PCDHA3: variants seen among roughly 807,000 people sequenced by gnomAD.
The protein encoded by PCDHA3 is protocadherin alpha-3.
PCDHA3 carries 41 observed loss-of-function variants against 62.2 expected under a neutral mutation model. That is an observed-to-expected ratio of 0.66 (90% CI 0.51 to 0.86). PCDHA3 has a LOEUF of 0.86. Among genes scored for constraint, PCDHA3 ranks in the 40% least tolerant of loss-of-function variants. The probability of loss-of-function intolerance (pLI) is 0.00; values close to 1 mark genes in which losing one functional copy is unlikely to be tolerated. For synonymous variants in PCDHA3, 640 were observed against 555.4 expected, an observed-to-expected ratio of 1.15 and a Z score of -2.14; for missense variants, 1,304 against 1,241.2, an observed-to-expected ratio of 1.05 and a Z score of -0.76.
chr5:140,875,151 A>G (rs1219163731), intron 1 of PCDHA3, among the ~76,000 whole-genome samples: 1 of 152,220 alleles, frequency 6.6e-6, no homozygotes, highest in Non-Finnish European at 1.5e-5. Flanking sequence ...ATGATCCGTG[A>G]AAAATAACCC....
At chr5:140,917,650 T>C (rs897307157) in intron 1 of PCDHA3, among the ~76,000 whole-genome samples, 1 of 152,226 alleles carries the variant, frequency 6.6e-6, no homozygotes. Context: ...CCAGCAATAT[T>C]GAGTAGGAAG....
chr5:140,929,875 G>A lies in PCDHA3; in HGVS notation c.2395-49074G>A, dbSNP rs1326750420. 4 of 153,064 alleles carry A rather than the reference G, an allele frequency of 2.6e-5. No individual in the cohort carries two copies. The East Asian group carries it at 7.7e-4, about 29-fold the overall frequency. 9.5% of individuals were successfully genotyped at this position (153,064 alleles called of 1,614,324 possible). A position where few individuals can be genotyped will look rare whatever the true frequency, so the allele number is the denominator to read the frequency against. On this transcript the variant is annotated intron_variant, in intron 1 of 3. Transcript: ENST00000522353. ...GAGTCAGAGAAGGCTTTGTGATAGAGATCACAGATTTAGTTGGATCTTTAA... is the reference window on the plus strand; with the variant it reads ...GAGTCAGAGAAGGCTTTGTGATAGAAATCACAGATTTAGTTGGATCTTTAA...
At position 140,926,980 on chromosome 5, in the gene PCDHA3, A is replaced by T. The variant is rs781916280; in HGVS notation, c.2395-51969A>T. ...GCTCGAGTACTCAGTGCCGGAGGAG[A>T]CGGAGCGGGGCGTAGCCGTAGGCAA... On this transcript the variant is annotated intron_variant, in intron 1 of 3. Transcript: ENST00000522353. The T allele has an allele frequency of 1.9e-6, 3 of 1,610,246 alleles. No individual in the cohort carries two copies. The Admixed American group carries it at 5.0e-5, about 27-fold the overall frequency.
chr5:140,876,259 C>T (rs1554168431), intron 1 of PCDHA3: 7 of 1,613,952 alleles, frequency 4.3e-6, no homozygotes, highest in South Asian at 1.1e-5. Flanking sequence ...AAGAGTGATC[C>T]AACTAAATGC....
chr5:141,001,706 C>T (rs2098033561), intron 3 of PCDHA3, among the ~76,000 whole-genome samples: 1 of 151,850 alleles, frequency 6.6e-6, no homozygotes, highest in African/African-American at 2.4e-5. Flanking sequence ...AAATAGGGGG[C>T]GGGGAAGGAG....
At chr5:140,807,880 A>G (rs1338912507) in intron 1 of PCDHA3, 2 of 1,614,152 alleles carry the variant, frequency 1.2e-6, no homozygotes, top group East Asian at 4.5e-5. Flanking sequence ...TACTCATCAC[A>G]GTACTGGATG....
At chr5:140,829,631 A>G (rs2150171714) in intron 1 of PCDHA3, 2 of 1,612,100 alleles carry the variant, frequency 1.2e-6, no homozygotes, top group East Asian at 2.2e-5. Flanking sequence ...GCACGCGGAG[A>G]GCGGCAAGGT....
Position 140,802,544 on chromosome 5 carries a change from C to A in PCDHA3, c.1347C>A (p.Asn449Lys), listed in dbSNP as rs374473436. Reference protein sequence around the residue: ...ASVSVEVADVNDNAPAFSQSE... With the variant: ...ASVSVEVADVKDNAPAFSQSE... The stretch of plus-strand genomic sequence containing the variant: ...TGTCCGTGGAGGTGGCCGACGTGAA[C>A]GACAATGCGCCGGCATTCTCGCAGT... Residue 449 changes from asparagine (N) to lysine (K), a missense_variant, in exon 1 of 4, where the codon AAC (asparagine) becomes AAA (lysine). Physicochemically the swap from Asn to Lys is moderately conservative, Grantham distance 94. Coordinates refer to ENST00000522353, the MANE Select transcript of PCDHA3 (RefSeq NM_018906.3). 16 of 1,614,192 alleles carry A rather than the reference C, an allele frequency of 9.9e-6. No homozygotes were observed. Among genetic ancestry groups the A allele is most frequent in the Non-Finnish European group, 8.5e-6 (10 of 1,180,048 alleles).
chr5:140,917,154 T>C (rs1415714785), intron 1 of PCDHA3, among the ~76,000 whole-genome samples: 2 of 152,112 alleles, frequency 1.3e-5, no homozygotes, highest in East Asian at 1.9e-4. Flanking sequence ...TGCTGGGGGA[T>C]ATGGGAGGGG....
Position 141,009,737 on chromosome 5 carries a change from C to T in PCDHA3, c.2653C>T (p.Pro885Ser). The T allele has an allele frequency of 6.2e-7, 1 of 1,614,130 alleles. No homozygotes were observed. The highest frequency in any genetic ancestry group is 8.5e-7 in the Non-Finnish European group (1 of 1,180,024). Residue 885 changes from proline (P) to serine (S), a missense_variant, in exon 4 of 4, where the codon CCC becomes TCC. Physicochemically the swap from Pro to Ser is moderately conservative, Grantham distance 74 (BLOSUM62 -1). Coordinates refer to ENST00000522353, the MANE Select transcript of PCDHA3 (RefSeq NM_018906.3). ...NPKQSGPGEL[P>S]DKFIIPGSPA... Reference sequence around the variant, plus strand: ...CAAACAATCCGGTCCCGGTGAGTTGCCCGACAAATTCATTATCCCAGGATC... The same window carrying T: ...CAAACAATCCGGTCCCGGTGAGTTGTCCGACAAATTCATTATCCCAGGATC...
At position 140,835,814 on chromosome 5, in the gene PCDHA3, G is replaced by T. The variant is rs2150245444; in HGVS notation, c.2394+32223G>T. ...CGCCGGGCTGCCACATCTTCACTGTGTCGGCGGGGGACGCGGACGCGCAGA... is the reference window on the plus strand; with the variant it reads ...CGCCGGGCTGCCACATCTTCACTGTTTCGGCGGGGGACGCGGACGCGCAGA... On this transcript the variant is annotated intron_variant, in intron 1 of 3. Coordinates refer to ENST00000522353, the MANE Select transcript of PCDHA3 (RefSeq NM_018906.3). The T allele has an allele frequency of 3.1e-6, 5 of 1,612,862 alleles. 1 individual carries two copies. In the South Asian group the frequency reaches 5.5e-5, roughly 18 times the overall value.
intron 1 of PCDHA3, chr5:140,859,596 AT>A (rs1554152518): frequency 6.1e-6 from 1 of 164,060 alleles, no homozygotes; most frequent in Non-Finnish European, 1.3e-5. Flanking sequence ...GCTCTTAGCA[AT>A]TACTTTTTTC....
At chr5:140,967,562 C>T in intron 1 of PCDHA3, 1 of 1,614,064 alleles carries the variant, frequency 6.2e-7, no homozygotes, top group Non-Finnish European at 8.5e-7. Context: ...TCGCGTCCAG[C>T]TACGGGAGGA....
chr5:140,981,845 T>C (rs184071298), intron 2 of PCDHA3, among the ~76,000 whole-genome samples: 129 of 152,310 alleles, frequency 8.5e-4, no homozygotes, highest in Middle Eastern at 3.4e-3. Flanking sequence ...TCCCAGTTTG[T>C]ATCTCACTCC....
At chr5:140,921,080 A>G (rs1329038497) in intron 1 of PCDHA3, among the ~76,000 whole-genome samples, 1 of 152,008 alleles carries the variant, frequency 6.6e-6, no homozygotes. Context: ...CTTGGGCTCA[A>G]GAGAATCCTC....
At chr5:140,862,662 C>T in intron 1 of PCDHA3, 1 of 546,862 alleles carries the variant, frequency 1.8e-6, no homozygotes, top group Non-Finnish European at 3.7e-6. Context: ...GGGACCGGGA[C>T]GCGCAGGAGA....
rs1554122562 is a variant in PCDHA3, at chr5:140,803,064, C to G, written c.1867C>G (p.Arg623Gly). ...PGTGGARIPF[R>G]VGLYTGEIST... Reference sequence around the variant, plus strand: ...GACCGGCGGTGCGCGCATCCCGTTTCGCGTGGGGCTGTACACGGGAGAGAT... The same window carrying G: ...GACCGGCGGTGCGCGCATCCCGTTTGGCGTGGGGCTGTACACGGGAGAGAT... The change falls in exon 1 of 4, where the codon CGC becomes GGC. Residue 623 changes from arginine (R) to glycine (G), a missense_variant. Arg to Gly is a moderately radical substitution (Grantham distance 125). Transcript: ENST00000522353. The G allele has an allele frequency of 1.2e-6, 2 of 1,613,978 alleles. No individual in the cohort carries two copies. Among genetic ancestry groups the G allele is most frequent in the Middle Eastern group, 1.6e-4 (1 of 6,062 alleles).
chr5:140,950,040 C>A (rs1053592525), intron 1 of PCDHA3, among the ~76,000 whole-genome samples: 2 of 151,718 alleles, frequency 1.3e-5, no homozygotes, highest in Non-Finnish European at 3.0e-5. Flanking sequence ...AAGTTACAAC[C>A]ATATAAGACT....
In PCDHA3 at chr5:141,009,879, A is replaced by T. The variant is rs2098415109; in HGVS notation, c.2795A>T (p.Asn932Ile). The T allele has an allele frequency of 1.2e-6, 2 of 1,613,766 alleles. No individual in the cohort carries two copies. The highest frequency in any genetic ancestry group is 3.3e-5 in the Admixed American group (2 of 59,900). Reference sequence around the variant, plus strand: ...AAAAAGAAGAAAAAGAAGAAGGGTAACAAGACCCAGGAGAAAAAAGAGAAA... The same window carrying T: ...AAAAAGAAGAAAAAGAAGAAGGGTATCAAGACCCAGGAGAAAAAAGAGAAA... The part of the protein sequence containing the change: ...TKKKKKKKKG[N>I]KTQEKKEKGN... Residue 932 changes from asparagine to isoleucine, a missense_variant, in exon 4 of 4, where the codon AAC (asparagine) becomes ATC (isoleucine). Coordinates refer to ENST00000522353, the MANE Select transcript of PCDHA3 (RefSeq NM_018906.3).
Sources: gnomAD v4.1 joint callset for allele counts (sites outside exome capture counted in the v4.1 genomes callset) on GRCh38, gnomAD v4.1.1 for gene constraint, MANE v1.5 for transcripts, NCBI Gene and HGNC (gene_info 2026-07-23, HGNC 2026-07-21) for gene names.